Variants in BRCA1 observed in about 807,000 individuals in gnomAD.
BRCA1 encodes the protein BRCA1 DNA repair associated.
In BRCA1, 140 loss-of-function variants were observed where a neutral mutation model predicts 173.7. That is an observed-to-expected ratio of 0.81 (90% CI 0.70 to 0.93). The LOEUF is 0.93. Ranked by LOEUF, BRCA1 falls within the 40% of genes least tolerant of loss-of-function variation. The pLI is 0.00. For missense variants in BRCA1, 1,983 were observed against 2,172.5 expected (o/e 0.91, Z 1.73); for synonymous variants, 662 against 756.0 (o/e 0.88, Z 2.04).
At chr17:43,131,380 A>AAAT (rs72233752) in intron 1 of BRCA1, 4,165 of 339,846 alleles carry the variant, frequency 0.012, 48 homozygotes, top group Non-Finnish European at 0.015. Flanking sequence ...TTGTGTCTCA[A>AAAT]AATAATAATA....
At chr17:43,099,725 A>T (rs2154527649) in intron 7 of BRCA1, 50 bp downstream of exon 7, 1 of 1,483,370 alleles carries the variant, frequency 6.7e-7, no homozygotes, top group South Asian at 1.1e-5. Flanking sequence ...ACTATAAGAT[A>T]AGGAATCCAG....
At chr17:43,145,321 T>TTTTA in intron 1 of BRCA1, 1 of 467,348 alleles carries the variant, frequency 2.1e-6, no homozygotes, top group East Asian at 5.0e-5. Context: ...GAGGAATTTT[T>TTTTA]TTTCTTTCTT....
chr17:43,091,793 G>A lies in BRCA1; in HGVS notation c.3738C>T (p.Thr1246=), dbSNP rs778655093. The stretch of plus-strand genomic sequence containing the variant: ...TCTTAGACAGACACTCGGTAGCAAC[G>A]GTGCTATGCCTAGTAGACTGAGAAG... ...NIPSQSTRHS[T]VATECLSKNT... is the part of the protein sequence containing the mutation. The change falls in exon 10 of 23, where the codon ACC becomes ACT. Residue 1246 remains threonine (T), a synonymous_variant. Transcript: ENST00000357654. The A allele has an allele frequency of 1.7e-5, 27 of 1,613,982 alleles. No homozygotes were observed. Among genetic ancestry groups the A allele is most frequent in the Non-Finnish European group, 2.0e-5 (24 of 1,180,012 alleles).
At chr17:43,103,737 T>G (rs913090374) in intron 6 of BRCA1, among the ~76,000 whole-genome samples, 4 of 152,124 alleles carry the variant, frequency 2.6e-5, no homozygotes, top group African/African-American at 9.7e-5. Flanking sequence ...ACTTTTTATA[T>G]AAATCTATGA....
At chr17:43,074,601 T>C in intron 13 of BRCA1, 80 bp from the exon 14 acceptor site, 1 of 1,265,148 alleles carries the variant, frequency 7.9e-7, no homozygotes, top group Admixed American at 1.9e-5. Flanking sequence ...AGCCAAAGCA[T>C]AAATGAAACA....
intron 1 of BRCA1, chr17:43,168,376 G>A (rs1259805205): frequency 7.7e-5 from 23 of 298,546 alleles, no homozygotes; most frequent in East Asian, 3.5e-4. Flanking sequence ...GGTGGCTCAC[G>A]CCTGTAATCA....
chr17:43,072,297 G>A (rs1437858030), intron 14 of BRCA1, among the ~76,000 whole-genome samples: 1 of 151,794 alleles, frequency 6.6e-6, no homozygotes, highest in Non-Finnish European at 1.5e-5. Context: ...GCTGAAGCAG[G>A]AGAATCGCTC....
intron 1 of BRCA1, among the ~76,000 whole-genome samples, chr17:43,152,937 A>G (rs1165758740): frequency 6.6e-6 from 1 of 152,146 alleles, no homozygotes; most frequent in African/African-American, 2.4e-5. Context: ...CGAGAGGCTG[A>G]GGCAGGAGAA....
At chr17:43,058,123 C>T (rs1432855441) in intron 18 of BRCA1, among the ~76,000 whole-genome samples, 1 of 151,124 alleles carries the variant, frequency 6.6e-6, no homozygotes, top group Admixed American at 6.6e-5. Context: ...CACTTTGGCA[C>T]TTTGGGAGGC....
upstream of BRCA1, among the ~76,000 whole-genome samples, chr17:43,129,008 A>G (rs73307344): frequency 0.015 from 2,224 of 152,168 alleles, 43 homozygotes; most frequent in African/African-American, 0.051. Context: ...ACAGTAACCA[A>G]AGTTCGGGTT....
chr17:43,110,587 C>CAAAAA, intron 3 of BRCA1: 2 of 270,886 alleles, frequency 7.4e-6, no homozygotes, highest in East Asian at 1.0e-4. Flanking sequence ...GACCCTGTCT[C>CAAAAA]AAAAAAAAAA....
intron 22 of BRCA1, among the ~76,000 whole-genome samples, chr17:43,046,995 A>C (rs2050943230): frequency 6.6e-6 from 1 of 152,208 alleles, no homozygotes; most frequent in African/African-American, 2.4e-5. Flanking sequence ...CATTTTATAA[A>C]ATACACGTGT....
chr17:43,092,479 T>A lies in BRCA1; in HGVS notation c.3052A>T (p.Asn1018Tyr), dbSNP rs2154345159. ...ATTGTGCTCACTGTACTTGGAATGT[T>A]CTCATTTCCCATTTCTCTTTCAGGT... is the stretch of plus-strand genomic sequence containing the variant. ...MSPEREMGNE[N>Y]IPSTVSTISR... The change falls in exon 10 of 23, where the codon AAC becomes TAC. Residue 1018 changes from asparagine (N) to tyrosine (Y), a missense_variant. Physicochemically the swap from Asn to Tyr is moderately radical, Grantham distance 143. Coordinates refer to ENST00000357654, the MANE Select transcript of BRCA1 (RefSeq NM_007294.4). 1 of 1,614,010 alleles carries A rather than the reference T, an allele frequency of 6.2e-7. No homozygotes were observed.
At chr17:43,169,579 C>A (rs1385998725) in intron 1 of BRCA1, among the ~76,000 whole-genome samples, 2 of 152,114 alleles carry the variant, frequency 1.3e-5, no homozygotes, top group Non-Finnish European at 1.5e-5. Flanking sequence ...TAGTGCTTCC[C>A]TCGAGACCTA....
rs730881449 is a variant in BRCA1, at chr17:43,104,104, GA to G, written c.441+17del. 5.1e-5 allele frequency: 79 copies of G among 1,561,140 alleles called. No homozygotes were observed. In the African/African-American group the frequency reaches 1.0e-3, roughly 20 times the overall value. The stretch of plus-strand genomic sequence containing the variant: ...AAGAAAAGAAGAAGAAGAAGAAGAA[GA>G]AAACAAATGGTTTTACCAAGGAAGG... On this transcript the variant is annotated intron_variant, in intron 6 of 22. Coordinates refer to ENST00000357654, the MANE Select transcript of BRCA1 (RefSeq NM_007294.4).
intron 4 of BRCA1, 120 bp downstream of exon 4, chr17:43,106,336 A>C: frequency 1.5e-6 from 1 of 681,766 alleles, no homozygotes; most frequent in East Asian, 2.8e-5. Context: ...ACTGTGTGCT[A>C]AAAACTCTTT....
chr17:43,116,722 G>A (rs1284713441), intron 2 of BRCA1, among the ~76,000 whole-genome samples: 1 of 152,182 alleles, frequency 6.6e-6, no homozygotes, highest in Non-Finnish European at 1.5e-5. Context: ...GTTTCACCAT[G>A]TTGGCCGGCT....
In BRCA1 at chr17:43,094,642, T is replaced by G. The variant is rs80357196; in HGVS notation, c.889A>C (p.Met297Leu). The G allele has an allele frequency of 6.2e-7, 1 of 1,614,210 alleles. No individual in the cohort carries two copies. Among genetic ancestry groups the G allele is most frequent in the Non-Finnish European group, 8.5e-7 (1 of 1,180,036 alleles). The change falls in exon 10 of 23, where the codon ATG (methionine) becomes CTG (leucine). Residue 297 changes from methionine (M) to leucine (L), a missense_variant. Met to Leu is a conservative substitution (Grantham distance 15). Transcript: ENST00000357654. ...CAGAATTCAGCCTTTTCTACATTCA[T>G]TCTGTCTTTAGTGAGTAATAAACTG... is the stretch of plus-strand genomic sequence containing the variant. The part of the protein sequence containing the change: ...NSSLLLTKDR[M>L]NVEKAEFCNK...
chr17:43,167,067 T>C (rs1202219114), intron 1 of BRCA1: 1 of 152,272 alleles, frequency 6.6e-6, no homozygotes. Flanking sequence ...TGCCATACAG[T>C]GCTCTGGCGA....
Sources: gnomAD v4.1 joint callset for allele counts (sites outside exome capture counted in the v4.1 genomes callset) on GRCh38, gnomAD v4.1.1 for gene constraint, MANE v1.5 for transcripts, NCBI Gene and HGNC (gene_info 2026-07-23, HGNC 2026-07-21) for gene names.